SCRG1: variants seen among roughly 807,000 people sequenced by gnomAD.
SCRG1 encodes stimulator of chondrogenesis 1.
Under a neutral mutation model 7.7 loss-of-function variants are expected in SCRG1, and 3 were observed. The ratio of observed to expected loss-of-function variants is 0.39; its 90% CI spans 0.18 to 1.01. SCRG1 has a LOEUF of 1.01. Ranked by LOEUF, SCRG1 falls within the 50% of genes least tolerant of loss-of-function variation. The pLI is 0.36. For missense variants in SCRG1, 110 were observed against 117.2 expected (o/e 0.94, Z 0.28); for synonymous variants, 46 against 41.2 (o/e 1.12, Z -0.44).
chr4:173,412,023 G>C, the SCRG1 span, among the ~76,000 whole-genome samples: 13 of 152,184 alleles, frequency 8.5e-5, no homozygotes, highest in Non-Finnish European at 1.8e-4. Context: ...AGCCCAGCTT[G>C]TTCTGCTACT....
the SCRG1 span, among the ~76,000 whole-genome samples, chr4:173,413,528 A>G: frequency 2.6e-5 from 4 of 152,210 alleles, no homozygotes; most frequent in African/African-American, 9.6e-5. Context: ...GGAGCTAATA[A>G]GAACCAACGA....
At chr4:173,432,333 T>C in the SCRG1 span, among the ~76,000 whole-genome samples, 65 of 133,906 alleles carry the variant, frequency 4.9e-4, no homozygotes, top group Non-Finnish European at 8.6e-4. Context: ...CTTCCTTCCT[T>C]CCTTCCTCTT....
the SCRG1 span, among the ~76,000 whole-genome samples, chr4:173,484,626 T>C: frequency 4.4e-5 from 4 of 90,228 alleles, no homozygotes; most frequent in African/African-American, 2.2e-4. Context: ...ATGCATGTAA[T>C]ATATATTATA....
At chr4:173,516,052 A>G in the SCRG1 span, among the ~76,000 whole-genome samples, 1 of 152,048 alleles carries the variant, frequency 6.6e-6, no homozygotes, top group African/African-American at 2.4e-5. Flanking sequence ...AATGCTCTTC[A>G]TCTTCCCACT....
the SCRG1 span, among the ~76,000 whole-genome samples, chr4:173,507,282 T>G: frequency 5.5e-4 from 84 of 152,318 alleles, no homozygotes; most frequent in Middle Eastern, 3.4e-3. This position sits in a 1 kb window ranked among gnomAD's most constrained non-coding sequence, Gnocchi z 4.4. Context: ...CGATGTCGGC[T>G]CACTGCAACC....
chr4:173,495,798 C>G, the SCRG1 span, among the ~76,000 whole-genome samples: 1 of 152,194 alleles, frequency 6.6e-6, no homozygotes, highest in African/African-American at 2.4e-5. Flanking sequence ...GCACTAAAGC[C>G]TGGTGGTCAC....
the SCRG1 span, among the ~76,000 whole-genome samples, chr4:173,474,263 T>C: frequency 6.6e-6 from 1 of 152,066 alleles, no homozygotes. Context: ...ATGGGGGAGG[T>C]AGCATAATAG....
the SCRG1 span, chr4:173,420,046 T>C: frequency 1.1e-5 from 7 of 629,002 alleles, no homozygotes; most frequent in African/African-American, 1.8e-5. Flanking sequence ...TTTCTGAGCA[T>C]AGTAATCAGT....
chr4:173,443,751 T>G, the SCRG1 span, among the ~76,000 whole-genome samples: 1 of 152,188 alleles, frequency 6.6e-6, no homozygotes, highest in Non-Finnish European at 1.5e-5. Context: ...CGGTTGCTCT[T>G]GAACTCCTGA....
chr4:173,395,780 A>G (rs1739586843), intron 1 of SCRG1, among the ~76,000 whole-genome samples: 1 of 152,208 alleles, frequency 6.6e-6, no homozygotes, highest in Admixed American at 6.5e-5. Context: ...ATATGACTAC[A>G]ATTGGATATG....
chr4:173,390,768 C>T (rs771606464), intron 2 of SCRG1, among the ~76,000 whole-genome samples: 9 of 152,306 alleles, frequency 5.9e-5, no homozygotes, highest in East Asian at 3.9e-4. Context: ...GGATTACAGG[C>T]GTGAGCCACC....
the SCRG1 span, among the ~76,000 whole-genome samples, chr4:173,514,078 G>C: frequency 6.6e-6 from 1 of 152,140 alleles, no homozygotes; most frequent in Non-Finnish European, 1.5e-5. Flanking sequence ...TGAAAAACAT[G>C]CAATAACTTT....
the SCRG1 span, among the ~76,000 whole-genome samples, chr4:173,492,149 A>T: frequency 3.3e-5 from 5 of 151,832 alleles, no homozygotes; most frequent in African/African-American, 9.7e-5. Flanking sequence ...TATTTTAAAT[A>T]AAAAAAAGAG....
At chr4:173,436,613 C>CT in the SCRG1 span, among the ~76,000 whole-genome samples, 21 of 151,606 alleles carry the variant, frequency 1.4e-4, no homozygotes, top group South Asian at 1.3e-3. Context: ...TCTATGGGTT[C>CT]TTTTTTTTTG....
the SCRG1 span, among the ~76,000 whole-genome samples, chr4:173,481,366 G>A: frequency 1.3e-5 from 2 of 152,254 alleles, no homozygotes; most frequent in East Asian, 3.9e-4. Flanking sequence ...GTTAATTGAA[G>A]CATAGTGAGT....
chr4:173,484,844 T>G, the SCRG1 span, among the ~76,000 whole-genome samples: 4 of 76,240 alleles, frequency 5.2e-5, no homozygotes, highest in South Asian at 1.3e-3. Flanking sequence ...TACAATATAT[T>G]ATATATAATA....
chr4:173,481,580 C>T, the SCRG1 span, among the ~76,000 whole-genome samples: 1 of 152,070 alleles, frequency 6.6e-6, no homozygotes, highest in South Asian at 2.1e-4. Context: ...CTGCCTCCCC[C>T]TCCACATCCT....
At chr4:173,418,746 G>A in the SCRG1 span, among the ~76,000 whole-genome samples, 2 of 152,066 alleles carry the variant, frequency 1.3e-5, no homozygotes, top group Non-Finnish European at 2.9e-5. Context: ...CCGGTGGGGC[G>A]GACTTCCCCT....
At chr4:173,510,996 T>C in the SCRG1 span, among the ~76,000 whole-genome samples, 1 of 152,194 alleles carries the variant, frequency 6.6e-6, no homozygotes. The surrounding 1 kb of genome is among the most constrained non-coding windows in gnomAD (Gnocchi z 5.7). Flanking sequence ...AAACGGAGTC[T>C]CGCTCTGTCT....
Sources: gnomAD v4.1 joint callset for allele counts (sites outside exome capture counted in the v4.1 genomes callset) on GRCh38, gnomAD v4.1.1 for gene constraint, Gnocchi (gnomAD v3.1) non-coding constraint, MANE v1.5 for transcripts, NCBI Gene and HGNC (gene_info 2026-07-23, HGNC 2026-07-21) for gene names.